Variants in LMTK3 observed in about 807,000 individuals in gnomAD.
The protein encoded by LMTK3 is lemur tail kinase 3.
Under a neutral mutation model 116.7 loss-of-function variants are expected in LMTK3, and 27 were observed. The observed-to-expected ratio is 0.23, with a 90% CI of 0.17 to 0.32. The LOEUF (loss-of-function observed/expected upper bound fraction) is 0.32. Among genes scored for constraint, LMTK3 ranks in the 10% least tolerant of loss-of-function variants. The pLI, the probability that LMTK3 is intolerant of heterozygous loss-of-function variation, is 1.00. For synonymous variants in LMTK3, 965 were observed against 971.0 expected, an observed-to-expected ratio of 0.99 and a Z score of 0.11; for missense variants, 1,764 against 2,068.5, an observed-to-expected ratio of 0.85 and a Z score of 2.86.
intron 5 of LMTK3, among the ~76,000 whole-genome samples, chr19:48,508,267 G>T (rs1339013843): frequency 4.6e-5 from 7 of 152,078 alleles, no homozygotes. Context: ...GTTTCTCAGG[G>T]TAAAGCCCAC....
At position 48,500,883 on chromosome 19, in the gene LMTK3, G is replaced by T; in HGVS notation, c.1151+113C>A. On this transcript the variant is annotated intron_variant, in intron 10 of 14. Coordinates refer to ENST00000600059, the MANE Select transcript of LMTK3 (RefSeq NM_001388485.1). The surrounding 1 kb of genome is among the most constrained non-coding windows in gnomAD (Gnocchi z 4.0). The stretch of plus-strand genomic sequence containing the variant: ...GTGGGGACAGCCCCTCTTCACTCTT[G>T]AGGGGTATGGAGGGCAAACGGGATG... 1 of 1,070,136 alleles carries T rather than the reference G, an allele frequency of 9.3e-7. No individual in the cohort carries two copies. Among genetic ancestry groups the T allele is most frequent in the Non-Finnish European group, 1.3e-6 (1 of 767,022 alleles). 66.3% of individuals were successfully genotyped at this position (1,070,136 alleles called of 1,614,324 possible).
chr19:48,497,779 C>A lies in LMTK3; in HGVS notation c.3290G>T (p.Gly1097Val). The change falls in exon 11 of 15, where the codon GGG becomes GTG. Residue 1097 changes from glycine to valine, a missense_variant. Physicochemically the swap from Gly to Val is moderately radical, Grantham distance 109 (BLOSUM62 -3). Coordinates refer to ENST00000600059, the MANE Select transcript of LMTK3 (RefSeq NM_001388485.1). This position sits in a 1 kb window ranked among gnomAD's most constrained non-coding sequence, Gnocchi z 5.7. ...CCCAGCCCCTGGGGCTCTCGGCGCCCCCCCAGTCTCGGGGGCTCTCCTCTC... is the reference window on the plus strand; with the variant it reads ...CCCAGCCCCTGGGGCTCTCGGCGCCACCCCAGTCTCGGGGGCTCTCCTCTC... ...GTERRAPETG[G>V]APRAPGAGRL... is the part of the protein sequence containing the mutation. 1 of 1,377,040 alleles carries A rather than the reference C, an allele frequency of 7.3e-7. No homozygotes were observed. The highest frequency in any genetic ancestry group is 9.3e-7 in the Non-Finnish European group (1 of 1,071,090). The allele number at this position is 1,377,040 out of a possible 1,614,324, so 85.3% of individuals were successfully genotyped here.
rs1470662422 is a variant in LMTK3, at chr19:48,493,837, T to C, written c.3949A>G (p.Ser1317Gly). The C allele has an allele frequency of 6.9e-7, 1 of 1,454,632 alleles. No individual in the cohort carries two copies. Among genetic ancestry groups the C allele is most frequent in the Non-Finnish European group, 9.1e-7 (1 of 1,104,422 alleles). The allele number at this position is 1,454,632 out of a possible 1,614,324, so 90.1% of individuals were successfully genotyped here. Reference sequence around the variant, plus strand: ...GGGCGGGCCGCGTCCGCGTCGGCGCTGCTCACCACGACGGGCACCGGGGCT... The same window carrying C: ...GGGCGGGCCGCGTCCGCGTCGGCGCCGCTCACCACGACGGGCACCGGGGCT... ...RAAPVPVVVS[S>G]ADADAARPLR... is the part of the protein sequence containing the mutation. The change falls in exon 12 of 15, where the codon AGC becomes GGC. Residue 1317 changes from serine to glycine, a missense_variant. Around this residue, in one of 7 missense-constraint regions of LMTK3, gnomAD observed 281 missense variants for 301.4 expected, o/e 0.93. Coordinates refer to ENST00000600059, the MANE Select transcript of LMTK3 (RefSeq NM_001388485.1).
rs375441601 is a variant in LMTK3 at position 48,499,785 on chromosome 19, G to C, written c.1284C>G (p.Asp428Glu). The change falls in exon 11 of 15, where the codon GAC becomes GAG. Residue 428 changes from aspartate to glutamate, a missense_variant. Around this residue, in one of 7 missense-constraint regions of LMTK3, gnomAD observed 63 missense variants for 65.0 expected, o/e 0.97. Coordinates refer to ENST00000600059, the MANE Select transcript of LMTK3 (RefSeq NM_001388485.1). ...GGGGCCAGGGCCAGGGGAAGGGACC[G>C]TCTCGGGGTGGGGGTGGCGGCGGTG... ...RPPPPPPPPR[D>E]GPFPWPWPPA... is the part of the protein sequence containing the mutation. 3.7e-5 allele frequency: 54 copies of C among 1,472,312 alleles called. No homozygotes were observed. Among genetic ancestry groups the C allele is most frequent in the Middle Eastern group, 2.2e-4 (1 of 4,538 alleles). The allele number at this position is 1,472,312 out of a possible 1,614,324, so 91.2% of individuals were successfully genotyped here.
At position 48,497,616 on chromosome 19, in the gene LMTK3, T is replaced by A. The variant is rs1013027011; in HGVS notation, c.3453A>T (p.Pro1151=). The A allele has an allele frequency of 5.4e-6, 7 of 1,300,112 alleles. No individual in the cohort carries two copies. In the African/African-American group the frequency reaches 1.1e-4, roughly 20 times the overall value. 80.5% of individuals were successfully genotyped at this position (1,300,112 alleles called of 1,614,324 possible). The change falls in exon 11 of 15, where the codon CCA becomes CCT. Residue 1151 remains proline, a synonymous_variant. Coordinates refer to ENST00000600059, the MANE Select transcript of LMTK3 (RefSeq NM_001388485.1). This position sits in a 1 kb window ranked among gnomAD's most constrained non-coding sequence, Gnocchi z 5.7. ...TCCTCGGCTGTGCCTCCGGTGGCGG[T>A]GGCAGCGGTGGCGGCGGTGGCTGCG... The part of the protein sequence containing the change: ...TRPQPPPPPL[P]PPPEAQPRRL...
In LMTK3 at chr19:48,499,112, C is replaced by G; in HGVS notation, c.1957G>C (p.Asp653His). 1 of 1,559,542 alleles carries G rather than the reference C, an allele frequency of 6.4e-7. No individual in the cohort carries two copies. The highest frequency in any genetic ancestry group is 8.6e-7 in the Non-Finnish European group (1 of 1,157,426). Residue 653 changes from aspartate to histidine, a missense_variant, in exon 11 of 15, where the codon GAC becomes CAC. Coordinates refer to ENST00000600059, the MANE Select transcript of LMTK3 (RefSeq NM_001388485.1). ...GGGCCACCTCCAAGGCTGCTGCTGT[C>G]TTCCCCTGGGGAGCTGCCCTCCTCC... ...EEEEGSSPGE[D>H]SSSLGGGPSR...
rs1412988491 is a variant in LMTK3 at position 48,498,752 on chromosome 19, G to T, written c.2317C>A (p.Pro773Thr). 5.3e-6 allele frequency: 8 copies of T among 1,507,546 alleles called. No homozygotes were observed. In the African/African-American group the frequency reaches 7.1e-5, roughly 13 times the overall value. 93.4% of individuals were successfully genotyped at this position (1,507,546 alleles called of 1,614,324 possible). Residue 773 changes from proline to threonine, a missense_variant, in exon 11 of 15, where the codon CCT (proline) becomes ACT (threonine). By Grantham distance (38) the Pro-to-Thr change is conservative (BLOSUM62 -1). Coordinates refer to ENST00000600059, the MANE Select transcript of LMTK3 (RefSeq NM_001388485.1). ...GAACCGGGACTGGCCACGGCCGAAG[G>T]GGGGTCGGGGGACGCGGCCGGGTCC... ...PADPAASPDPPSAVASPGSGL... is the reference protein window; with the variant it reads ...PADPAASPDPTSAVASPGSGL...
chr19:48,504,437 C>T (rs1243912443), intron 5 of LMTK3, among the ~76,000 whole-genome samples: 1 of 152,214 alleles, frequency 6.6e-6, no homozygotes, highest in Non-Finnish European at 1.5e-5. Context: ...AATGGGACAG[C>T]GATAACAACT....
Position 48,500,734 on chromosome 19 carries a change from C to T in LMTK3, c.1151+262G>A, listed in dbSNP as rs1435871567. Among the ~76,000 whole-genome samples the T allele has an allele frequency of 1.3e-5, 2 of 152,086 alleles. No individual in the cohort carries two copies. Among genetic ancestry groups the T allele is most frequent in the South Asian group, 2.1e-4 (1 of 4,828 alleles). ...GTGAGGGTAGTGGTGTCCCTGTTTG[C>T]GCTGTGAGCTCTGGAATCAGACAGG... On this transcript the variant is annotated intron_variant, in intron 10 of 14. Coordinates refer to ENST00000600059, the MANE Select transcript of LMTK3 (RefSeq NM_001388485.1). The surrounding 1 kb of genome is among the most constrained non-coding windows in gnomAD (Gnocchi z 4.0).
chr19:48,511,653 TG>T lies in LMTK3; in HGVS notation c.-78del. 3.2e-6 allele frequency: 2 copies of T among 619,152 alleles called. No homozygotes were observed. The highest frequency in any genetic ancestry group is 2.6e-6 in the Non-Finnish European group (1 of 388,546). The allele number at this position is 619,152 out of a possible 1,614,324, so 38.4% of individuals were successfully genotyped here. ...GGGGCGGGCCCTCAGCCCCCAGCCA[TG>T]GGGACCCGCGCGACCCTGGCCTCCT... On this transcript the variant is annotated 5_prime_UTR_variant, in exon 1 of 15. Coordinates refer to ENST00000600059, the MANE Select transcript of LMTK3 (RefSeq NM_001388485.1).
intron 12 of LMTK3, among the ~76,000 whole-genome samples, chr19:48,492,480 G>T (rs914426417): frequency 5.9e-5 from 9 of 152,072 alleles, no homozygotes; most frequent in Admixed American, 3.9e-4. Context: ...AGCCACCCGG[G>T]ACAGGCCTAA....
Position 48,499,045 on chromosome 19 carries a change from T to G in LMTK3, c.2024A>C (p.Glu675Ala). Residue 675 changes from glutamate (E) to alanine (A), a missense_variant, in exon 11 of 15, where the codon GAG becomes GCG. By Grantham distance (107) the Glu-to-Ala change is moderately radical (BLOSUM62 -1). This residue lies in a region of LMTK3 where 1,028 missense variants were observed against 1,050.6 expected (regional missense o/e 0.98). Transcript: ENST00000600059. ...CAGTGGCAGGCAGGAGCAGGCCCCC[T>G]CGCGGCTGCACAGGGGACAGGGTAG... ...GPLPCPLCSR[E>A]GACSCLPLER... 1.3e-6 allele frequency: 2 copies of G among 1,500,832 alleles called. No individual in the cohort carries two copies. Among genetic ancestry groups the G allele is most frequent in the Non-Finnish European group, 1.8e-6 (2 of 1,126,778 alleles). The allele number at this position is 1,500,832 out of a possible 1,614,324, so 93.0% of individuals were successfully genotyped here. A position where few individuals can be genotyped will look rare whatever the true frequency, so the allele number is the denominator to read the frequency against.
intron 5 of LMTK3, among the ~76,000 whole-genome samples, chr19:48,505,170 G>A (rs1972546793): frequency 7.7e-6 from 1 of 130,530 alleles, no homozygotes; most frequent in Non-Finnish European, 1.6e-5. Context: ...CTGGAGTGCA[G>A]TGGTGCAATC....
At position 48,509,013 on chromosome 19, in the gene LMTK3, G is replaced by T. The variant is rs376968915; in HGVS notation, c.439-44C>A. On this transcript the variant is annotated intron_variant, in intron 4 of 14. Coordinates refer to ENST00000600059, the MANE Select transcript of LMTK3 (RefSeq NM_001388485.1). ...GGAGTCAGCGAGTGCCGTTTCCCCAGCCCCGTCCCCTGGGACCAGCTCCAC... is the reference window on the plus strand; with the variant it reads ...GGAGTCAGCGAGTGCCGTTTCCCCATCCCCGTCCCCTGGGACCAGCTCCAC... The T allele has an allele frequency of 5.3e-5, 73 of 1,370,792 alleles. No individual in the cohort carries two copies. The Middle Eastern group carries it at 9.9e-4, about 19-fold the overall frequency. 84.9% of individuals were successfully genotyped at this position (1,370,792 alleles called of 1,614,324 possible).
rs1972639697 is a variant in LMTK3, at chr19:48,510,570, A to G, written c.99T>C (p.Ala33=). The G allele has an allele frequency of 6.3e-7, 1 of 1,592,798 alleles. No homozygotes were observed. Among genetic ancestry groups the G allele is most frequent in the Non-Finnish European group, 8.5e-7 (1 of 1,171,184 alleles). Residue 33 remains alanine, a synonymous_variant, in exon 2 of 15, where the codon GCT becomes GCC. Transcript: ENST00000600059. The part of the protein sequence containing the change: ...AHPDGFALGR[A]PLAPPYAVVL... Reference sequence around the variant, plus strand: ...CCACAGCGTAGGGAGGAGCCAGAGGAGCCCGGCCCAGGGCGAATCCATCTG... The same window carrying G: ...CCACAGCGTAGGGAGGAGCCAGAGGGGCCCGGCCCAGGGCGAATCCATCTG...
At position 48,511,753 on chromosome 19, in the gene LMTK3, T is replaced by C; in HGVS notation, c.-177A>G. 3 of 210,938 alleles carry C rather than the reference T, an allele frequency of 1.4e-5. No homozygotes were observed. The highest frequency in any genetic ancestry group is 1.0e-4 in the East Asian group (1 of 10,028). The allele number at this position is 210,938 out of a possible 1,614,324, so 13.1% of individuals were successfully genotyped here. ...CTGCTTGCTGGCTCAGGTACCCCCC[T>C]CCCCCTCTTTGAAGGGACAGACGGA... On this transcript the variant is annotated 5_prime_UTR_variant, in exon 1 of 15. Coordinates refer to ENST00000600059, the MANE Select transcript of LMTK3 (RefSeq NM_001388485.1).
rs544919658 is a variant in LMTK3, at chr19:48,510,245, G to A, written c.211-72C>T. ...AGACACGCCATCGTCTTTCTCTTAA[G>A]TTTGTCTCCCCTTCATTTTTGTAAC... On this transcript the variant is annotated intron_variant, in intron 2 of 14. Coordinates refer to ENST00000600059, the MANE Select transcript of LMTK3 (RefSeq NM_001388485.1). The A allele has an allele frequency of 1.2e-5, 18 of 1,534,290 alleles. No individual in the cohort carries two copies. The East Asian group carries it at 3.9e-4, about 33-fold the overall frequency.
At chr19:48,486,397 G>A (rs1219373580) in intron 14 of LMTK3, among the ~76,000 whole-genome samples, 1 of 151,908 alleles carries the variant, frequency 6.6e-6, no homozygotes, top group African/African-American at 2.4e-5. Context: ...GGCCCCACCT[G>A]CAACGTCCCC....
In LMTK3 at chr19:48,500,978, G is replaced by A; in HGVS notation, c.1151+18C>T. 5 of 1,477,164 alleles carry A rather than the reference G, an allele frequency of 3.4e-6. No homozygotes were observed. Among genetic ancestry groups the A allele is most frequent in the Non-Finnish European group, 4.5e-6 (5 of 1,116,338 alleles). 91.5% of individuals were successfully genotyped at this position (1,477,164 alleles called of 1,614,324 possible). A position where few individuals can be genotyped will look rare whatever the true frequency, so the allele number is the denominator to read the frequency against. On this transcript the variant is annotated intron_variant, in intron 10 of 14. Transcript: ENST00000600059. The surrounding 1 kb of genome is among the most constrained non-coding windows in gnomAD (Gnocchi z 4.0). ...TGGGGTGCGGCAGGCCAGGAGCCCC[G>A]GGTGGGCTAGCCCTCACCAGTAGTC...
Sources: allele counts gnomAD v4.1 joint callset (sites outside exome capture counted in the v4.1 genomes callset), GRCh38; gene constraint gnomAD v4.1.1; regional missense constraint gnomAD v4.1.1; non-coding constraint Gnocchi (gnomAD v3.1); transcripts MANE v1.5; gene names NCBI Gene and HGNC (gene_info 2026-07-23, HGNC 2026-07-21).